CUX1: variants seen among roughly 807,000 people sequenced by gnomAD.
CUX1 encodes the protein protein CASP.
A neutral mutation model predicts 158.8 loss-of-function variants in CUX1; 31 were observed. The observed-to-expected ratio is 0.20, with a 90% confidence interval of 0.15 to 0.26. The LOEUF (loss-of-function observed/expected upper bound fraction) is 0.26. CUX1 is among the 10% of genes least tolerant of loss of function. The probability of loss-of-function intolerance (pLI) is 1.00; values close to 1 mark genes in which losing one functional copy is unlikely to be tolerated. For missense variants in CUX1, 1,589 were observed against 2,014.6 expected (o/e 0.79, Z 4.04); for synonymous variants, 879 against 862.1 (o/e 1.02, Z -0.34).
intron 8 of CUX1, among the ~76,000 whole-genome samples, chr7:102,137,046 A>G (rs1382341725): frequency 2.0e-5 from 3 of 152,162 alleles, no homozygotes; most frequent in Non-Finnish European, 2.9e-5. Context: ...TGCATTACCT[A>G]CAAGTAGTGA....
At chr7:102,009,453 C>G (rs1817745888) in intron 2 of CUX1, among the ~76,000 whole-genome samples, 1 of 152,206 alleles carries the variant, frequency 6.6e-6, no homozygotes, top group Admixed American at 6.5e-5. Context: ...TCAGTCCAGA[C>G]CAGGGAACCC....
intron 1 of CUX1, among the ~76,000 whole-genome samples, chr7:101,829,013 C>CT (rs150415475): frequency 0.022 from 3,400 of 151,860 alleles, 223 homozygotes; most frequent in East Asian, 0.18. Context: ...GAAAAGGAGG[C>CT]TTTAAGGTCA....
At chr7:101,954,130 T>C (rs1335420118) in intron 2 of CUX1, among the ~76,000 whole-genome samples, 3 of 152,140 alleles carry the variant, frequency 2.0e-5, no homozygotes, top group East Asian at 1.9e-4. Flanking sequence ...TTTATGTGTC[T>C]GAGACGCCTG....
chr7:102,219,651 T>C (rs1797619884), intron 20 of CUX1, among the ~76,000 whole-genome samples: 1 of 152,222 alleles, frequency 6.6e-6, no homozygotes, highest in Non-Finnish European at 1.5e-5. Context: ...GTCTCTGATA[T>C]TCCTTAGGAT....
chr7:101,822,013 C>T (rs1310289763), intron 1 of CUX1, among the ~76,000 whole-genome samples: 1 of 151,848 alleles, frequency 6.6e-6, no homozygotes, highest in Non-Finnish European at 1.5e-5. Context: ...CGCCACCACG[C>T]CCGGCTAATT....
In CUX1 at chr7:102,193,855, A is replaced by G; in HGVS notation, c.1090A>G (p.Met364Val). 3 of 1,614,008 alleles carry G rather than the reference A, an allele frequency of 1.9e-6. No individual in the cohort carries two copies. Among genetic ancestry groups the G allele is most frequent in the South Asian group, 1.1e-5 (1 of 91,072 alleles). The change falls in exon 13 of 24, where the codon ATG (methionine) becomes GTG (valine). Residue 364 changes from methionine (M) to valine (V), a missense_variant. Transcript: ENST00000292535. ...GTGCTCTTGCAGCATTCTGAAGTCC[A>G]TGGAGTTTGCACCGTCCGAGGGCGC... ...VKKELNILKS[M>V]EFAPSEGAGT...
At chr7:102,169,090 T>G (rs1459079110) in intron 9 of CUX1, among the ~76,000 whole-genome samples, 3 of 151,990 alleles carry the variant, frequency 2.0e-5, no homozygotes, top group African/African-American at 7.3e-5. Context: ...TGTGCCACCA[T>G]GCCCAGCTCA....
intron 20 of CUX1, 113 bp downstream of exon 20, chr7:102,205,283 G>A: frequency 1.2e-6 from 1 of 800,020 alleles, no homozygotes; most frequent in African/African-American, 1.7e-5. Context: ...TCTGGATTTG[G>A]GGAGCTGAAA....
intron 2 of CUX1, among the ~76,000 whole-genome samples, chr7:101,955,914 T>C (rs1489780122): frequency 7.2e-6 from 1 of 139,500 alleles, no homozygotes; most frequent in African/African-American, 2.9e-5. Context: ...CTGGGCCCTG[T>C]GGCTCACGCC....
chr7:102,150,251 G>T (rs568124660), intron 8 of CUX1, among the ~76,000 whole-genome samples: 167 of 152,280 alleles, frequency 1.1e-3, no homozygotes, highest in Non-Finnish European at 1.4e-3. Context: ...TGTGACCGGG[G>T]TTCAAGCGAT....
At chr7:101,824,490 AT>A (rs1363616143) in intron 1 of CUX1, 1 of 152,226 alleles carries the variant, frequency 6.6e-6, no homozygotes, top group African/African-American at 2.4e-5. Flanking sequence ...AGAAATGATT[AT>A]TTAGATAAAA....
chr7:102,157,257 G>C (rs574979691), intron 8 of CUX1, among the ~76,000 whole-genome samples: 134 of 152,210 alleles, frequency 8.8e-4, no homozygotes, highest in Non-Finnish European at 1.6e-3. Context: ...CAGAGCCACA[G>C]CATGAGAGCC....
intron 8 of CUX1, among the ~76,000 whole-genome samples, chr7:102,139,511 C>G (rs1281948218): frequency 1.3e-5 from 2 of 152,146 alleles, no homozygotes; most frequent in African/African-American, 4.8e-5. Flanking sequence ...AGACTCCTTT[C>G]CAGCCAGGCA....
intron 3 of CUX1, among the ~76,000 whole-genome samples, chr7:102,042,824 C>G (rs1822275292): frequency 6.6e-6 from 1 of 152,180 alleles, no homozygotes; most frequent in Non-Finnish European, 1.5e-5. Context: ...GGATCTCCCT[C>G]TGTCACCCAG....
chr7:101,932,512 G>C lies in CUX1; in HGVS notation c.141+16287G>C, dbSNP rs1806402407. 1.8e-5 allele frequency: 8 copies of C among 440,308 alleles called. 1 individual carries two copies. The highest frequency in any genetic ancestry group is 9.6e-5 in the South Asian group (6 of 62,692). 27.3% of individuals were successfully genotyped at this position (440,308 alleles called of 1,614,324 possible). ...ATTTTCAAGCCTTTTCTTGAGATCA[G>C]CTCGTTCAGTTACATGTGCTTTTGA... On this transcript the variant is annotated intron_variant, in intron 2 of 23. Transcript: ENST00000292535.
At chr7:102,029,602 C>G (rs941112239) in intron 3 of CUX1, among the ~76,000 whole-genome samples, 44 of 152,248 alleles carry the variant, frequency 2.9e-4, no homozygotes, top group African/African-American at 1.1e-3. Flanking sequence ...AAGGGACCAG[C>G]GTAGAAAGAA....
intron 3 of CUX1, among the ~76,000 whole-genome samples, chr7:102,059,311 G>T (rs527772884): frequency 5.9e-5 from 9 of 152,030 alleles, no homozygotes; most frequent in Non-Finnish European, 1.0e-4. Context: ...CGGCTTCTTC[G>T]GGGCCTCTCT....
intron 2 of CUX1, among the ~76,000 whole-genome samples, chr7:102,007,938 T>C (rs527313275): frequency 1.5e-4 from 23 of 152,156 alleles, no homozygotes; most frequent in African/African-American, 4.8e-4. Context: ...AGAGGCAAGG[T>C]TTCACCATGT....
chr7:101,846,349 T>A (rs1230663647), intron 1 of CUX1, among the ~76,000 whole-genome samples: 2 of 151,884 alleles, frequency 1.3e-5, no homozygotes, highest in African/African-American at 4.8e-5. Flanking sequence ...GATAGGCTGT[T>A]GCTCCATTGC....
Sources: gnomAD v4.1 joint callset for allele counts (sites outside exome capture counted in the v4.1 genomes callset) on GRCh38, gnomAD v4.1.1 for gene constraint, MANE v1.5 for transcripts, NCBI Gene and HGNC (gene_info 2026-07-23, HGNC 2026-07-21) for gene names.